Variants in GNB5 observed in about 807,000 individuals in gnomAD.
GNB5 encodes the protein G protein subunit beta 5.
In GNB5, 37 loss-of-function variants were observed where a neutral mutation model predicts 55.3. The observed-to-expected ratio is 0.67, with a 90% CI of 0.51 to 0.88. The LOEUF (loss-of-function observed/expected upper bound fraction) is 0.88, where lower values mean the gene tolerates loss of function less well. Among genes scored for constraint, GNB5 ranks in the 40% least tolerant of loss-of-function variants. The pLI is 0.00. For missense variants in GNB5, 476 were observed against 515.3 expected (o/e 0.92, Z 0.74); for synonymous variants, 219 against 198.5 (o/e 1.10, Z -0.87).
At chr15:52,163,769 C>CT (rs1438236127) in intron 3 of GNB5, among the ~76,000 whole-genome samples, 1 of 152,216 alleles carries the variant, frequency 6.6e-6, no homozygotes, top group African/African-American at 2.4e-5. Context: ...TCCCATTCCT[C>CT]TTGACTGGGT....
intron 7 of GNB5, chr15:52,139,945 T>C (rs1478256592): frequency 2.3e-6 from 3 of 1,284,350 alleles, no homozygotes; most frequent in African/African-American, 1.5e-5. Flanking sequence ...CCAGCCTAAA[T>C]GTCCTCTGTT....
intron 1 of GNB5, among the ~76,000 whole-genome samples, chr15:52,185,807 ATCTC>A (rs2034839083): frequency 1.4e-5 from 2 of 147,332 alleles, no homozygotes; most frequent in South Asian, 2.1e-4. Flanking sequence ...TTGGGACAGT[ATCTC>A]TCTGTCTCCC....
At chr15:52,173,764 CCTT>C (rs201825435) in intron 3 of GNB5, among the ~76,000 whole-genome samples, 2,075 of 152,264 alleles carry the variant, frequency 0.014, 29 homozygotes, top group Middle Eastern at 0.058. Flanking sequence ...TAGGGAAATC[CCTT>C]CACCCCTCCC....
chr15:52,133,416 C>T lies in GNB5; in HGVS notation c.825G>A (p.Gln275=). 6.2e-7 allele frequency: 1 copy of T among 1,612,940 alleles called. No homozygotes were observed. Among genetic ancestry groups the T allele is most frequent in the South Asian group, 1.1e-5 (1 of 91,062 alleles). The part of the protein sequence containing the change: ...VWDMRSGQCV[Q]AFETHESDIN... ...TGTCAGATTCATGTGTTTCAAAGGC[C>T]TGCACGCACTGGCCGGAGCGCATGT... Residue 275 remains glutamine, a synonymous_variant, in exon 9 of 13, where the codon CAG becomes CAA. Transcript: ENST00000261837.
intron 8 of GNB5, among the ~76,000 whole-genome samples, chr15:52,135,335 G>C (rs1463431101): frequency 3.3e-5 from 5 of 152,134 alleles, no homozygotes; most frequent in African/African-American, 1.2e-4. Context: ...ACTCATACAG[G>C]AGAACATTCC....
chr15:52,157,252 T>TTA lies in GNB5; in HGVS notation c.239-3177_239-3176insTA, dbSNP rs537638660. The stretch of plus-strand genomic sequence containing the variant: ...CACCCGGCCTGATTCTTATAGGCCT[T>TTA]TTTTTTTTTTTTGAGTCGGAGTCTC... On this transcript the variant is annotated intron_variant, in intron 3 of 12. Coordinates refer to ENST00000261837, the MANE Select transcript of GNB5 (RefSeq NM_016194.4). Among the ~76,000 whole-genome samples, 34 of 144,104 alleles carry TTA rather than the reference T, an allele frequency of 2.4e-4. 2 individuals are homozygous for TTA. In the East Asian group the frequency reaches 6.8e-3, roughly 29 times the overall value. The allele number at this position is 144,104 out of a possible 152,430, so 94.5% of individuals were successfully genotyped here. A position where few individuals can be genotyped will look rare whatever the true frequency, so the allele number is the denominator to read the frequency against.
At chr15:52,188,526 G>C (rs2141245898) in intron 1 of GNB5, among the ~76,000 whole-genome samples, 1 of 152,236 alleles carries the variant, frequency 6.6e-6, no homozygotes, top group South Asian at 2.1e-4. Context: ...ATTTGTATCA[G>C]CTAAATTTTA....
At chr15:52,183,807 G>A (rs1474812948) in intron 2 of GNB5, among the ~76,000 whole-genome samples, 1 of 152,180 alleles carries the variant, frequency 6.6e-6, no homozygotes, top group Non-Finnish European at 1.5e-5. Context: ...CTCAGAGATA[G>A]GACTAATTCT....
intron 3 of GNB5, among the ~76,000 whole-genome samples, chr15:52,176,774 G>T (rs2034657681): frequency 6.6e-6 from 1 of 152,104 alleles, no homozygotes; most frequent in African/African-American, 2.4e-5. Context: ...ACAAAACATG[G>T]CAGGCAGAGT....
At chr15:52,181,399 T>A (rs1051829650) in intron 2 of GNB5, among the ~76,000 whole-genome samples, 1 of 152,202 alleles carries the variant, frequency 6.6e-6, no homozygotes, top group African/African-American at 2.4e-5. Flanking sequence ...GTGTATCACC[T>A]GAGGTCAGGA....
rs534928491 is a variant in GNB5 at position 52,132,973 on chromosome 15, T to G, written c.863+405A>C. Among the ~76,000 whole-genome samples the G allele has an allele frequency of 9.5e-4, 144 of 152,292 alleles. 4 individuals carry two copies. The South Asian group carries it at 0.029, about 30-fold the overall frequency. ...AATGACCCATCCCATCTCCCTGTTTTACTTTTATCATAGTAGTTATCAGTA... is the reference window on the plus strand; with the variant it reads ...AATGACCCATCCCATCTCCCTGTTTGACTTTTATCATAGTAGTTATCAGTA... On this transcript the variant is annotated intron_variant, in intron 9 of 12. Transcript: ENST00000261837.
At chr15:52,188,946 G>A (rs2034882035) in intron 1 of GNB5, among the ~76,000 whole-genome samples, 1 of 152,112 alleles carries the variant, frequency 6.6e-6, no homozygotes, top group Non-Finnish European at 1.5e-5. Flanking sequence ...CATGCAAATA[G>A]GGCTACTTGC....
At chr15:52,186,737 A>C (rs559941502) in intron 1 of GNB5, among the ~76,000 whole-genome samples, 1 of 152,260 alleles carries the variant, frequency 6.6e-6, no homozygotes, top group African/African-American at 2.4e-5. Context: ...AGAGGGATGC[A>C]TTTATGGGGG....
intron 10 of GNB5, among the ~76,000 whole-genome samples, chr15:52,127,695 T>C (rs966310666): frequency 2.6e-5 from 4 of 152,074 alleles, no homozygotes; most frequent in African/African-American, 9.7e-5. Context: ...TTGAAAATAA[T>C]TTGGCAATCA....
intron 9 of GNB5, among the ~76,000 whole-genome samples, chr15:52,129,332 T>A (rs1229096858): frequency 6.6e-6 from 1 of 152,180 alleles, no homozygotes; most frequent in African/African-American, 2.4e-5. Context: ...TTTTAAAACA[T>A]TATTTATTCC....
At chr15:52,179,314 A>G (rs2141239346) in intron 3 of GNB5, among the ~76,000 whole-genome samples, 1 of 152,240 alleles carries the variant, frequency 6.6e-6, no homozygotes, top group African/African-American at 2.4e-5. Flanking sequence ...AGCAAAACTG[A>G]GAAAAGATAC....
rs41277704 is a variant in GNB5, at chr15:52,124,928, G to C, written c.1010-289C>G. ...CCAGAGAGGAAGGGGGATTAAGGAG[G>C]GCACTGCAGACACAAGTAAATTATT... is the stretch of plus-strand genomic sequence containing the variant. On this transcript the variant is annotated intron_variant, in intron 11 of 12. Transcript: ENST00000261837. The C allele has an allele frequency of 0.028, 7,028 of 247,944 alleles. 113 individuals are homozygous for C. The highest frequency in any genetic ancestry group is 0.053 in the Middle Eastern group (43 of 814). 15.4% of individuals were successfully genotyped at this position (247,944 alleles called of 1,614,324 possible). A position where few individuals can be genotyped will look rare whatever the true frequency, so the allele number is the denominator to read the frequency against.
chr15:52,182,823 A>C (rs1289074025), intron 2 of GNB5, among the ~76,000 whole-genome samples: 2 of 152,214 alleles, frequency 1.3e-5, no homozygotes, highest in Non-Finnish European at 2.9e-5. Flanking sequence ...CATTGCTTTC[A>C]ATTGAAAGCA....
In GNB5 at chr15:52,154,008, CT is replaced by C; in HGVS notation, c.306del (p.Gly103AlafsTer19). 2 of 1,614,116 alleles carry C rather than the reference CT, an allele frequency of 1.2e-6. No individual in the cohort carries two copies. Among genetic ancestry groups the C allele is most frequent in the Non-Finnish European group, 1.7e-6 (2 of 1,179,946 alleles). ...QFVMKTRRTL[K>X]GHGNKVLCMD... ...ATGCACAGGACTTTGTTCCCGTGGCCTTTGAGGGTCCTTCTGGTCTTCATGA... is the reference window on the plus strand; with the variant it reads ...ATGCACAGGACTTTGTTCCCGTGGCCTTGAGGGTCCTTCTGGTCTTCATGA... On this transcript the variant is annotated frameshift_variant, in exon 4 of 13. Transcript: ENST00000261837. LOFTEE classifies it high-confidence loss of function.
Sources: gnomAD v4.1 joint callset for allele counts (sites outside exome capture counted in the v4.1 genomes callset) on GRCh38, gnomAD v4.1.1 for gene constraint, MANE v1.5 for transcripts, NCBI Gene and HGNC (gene_info 2026-07-23, HGNC 2026-07-21) for gene names.